CADPS: variants seen among roughly 807,000 people sequenced by gnomAD.
CADPS encodes calcium dependent secretion activator.
CADPS carries 57 observed loss-of-function variants against 167.3 expected under a neutral mutation model. That is an observed-to-expected ratio of 0.34 (90% CI 0.28 to 0.42). The LOEUF is 0.42. Among genes scored for constraint, CADPS ranks in the 20% least tolerant of loss-of-function variants. The pLI is 1.00. For synonymous variants in CADPS, 676 were observed against 635.3 expected (o/e 1.06, Z -0.96); for missense variants, 1,414 against 1,738.1 (o/e 0.81, Z 3.32).
At position 62,753,801 on chromosome 3, in the gene CADPS, A is replaced by G. The variant is rs1466010588; in HGVS notation, c.556-28T>C. Reference sequence around the variant, plus strand: ...GAGCAAGAACAAGGCCAGGAAAGACAGTAGGAGAGTTTACCACAGAGGTAC... The same window carrying G: ...GAGCAAGAACAAGGCCAGGAAAGACGGTAGGAGAGTTTACCACAGAGGTAC... On this transcript the variant is annotated intron_variant, in intron 2 of 29. Coordinates refer to ENST00000383710, the MANE Select transcript of CADPS (RefSeq NM_003716.4). This position sits in a 1 kb window ranked among gnomAD's most constrained non-coding sequence, Gnocchi z 4.6. The G allele has an allele frequency of 1.9e-6, 3 of 1,585,584 alleles. No homozygotes were observed. The highest frequency in any genetic ancestry group is 1.7e-6 in the Non-Finnish European group (2 of 1,163,526).
chr3:62,487,054 G>C (rs191098800), intron 21 of CADPS, among the ~76,000 whole-genome samples: 1 of 152,290 alleles, frequency 6.6e-6, no homozygotes, highest in East Asian at 1.9e-4. Flanking sequence ...CCTTGTTTTA[G>C]CTAGTTCCCA....
chr3:62,508,942 T>C (rs2067192414), intron 17 of CADPS, among the ~76,000 whole-genome samples: 1 of 152,066 alleles, frequency 6.6e-6, no homozygotes. Context: ...TGGTAAAGTA[T>C]AGATGAGGTG....
chr3:62,845,691 T>G (rs1396729450), intron 1 of CADPS, among the ~76,000 whole-genome samples: 1 of 152,204 alleles, frequency 6.6e-6, no homozygotes, highest in African/African-American at 2.4e-5. Context: ...TATCTTTCTG[T>G]TCCCCTCCCA....
In CADPS at chr3:62,490,983, C is replaced by T. The variant is rs1576740349; in HGVS notation, c.3026+356G>A. On this transcript the variant is annotated intron_variant, in intron 21 of 29. Transcript: ENST00000383710. ...GCTGACCTCCCTGCCTAGAACCCCA[C>T]CGAACACACTTTGGGAAACACTGAA... Among the ~76,000 whole-genome samples the T allele has an allele frequency of 1.3e-5, 2 of 152,312 alleles. 1 individual carries two copies. Among genetic ancestry groups the T allele is most frequent in the East Asian group, 3.9e-4 (2 of 5,186 alleles).
At chr3:62,803,060 A>G (rs1343716557) in intron 1 of CADPS, among the ~76,000 whole-genome samples, 11 of 152,172 alleles carry the variant, frequency 7.2e-5, no homozygotes, top group Non-Finnish European at 8.8e-5. Context: ...GGCCTCTTCT[A>G]TGCTTTGCCT....
At chr3:62,640,583 C>T (rs1250112195) in intron 6 of CADPS, among the ~76,000 whole-genome samples, 1 of 152,074 alleles carries the variant, frequency 6.6e-6, no homozygotes, top group Non-Finnish European at 1.5e-5. Flanking sequence ...TTTCTCATTC[C>T]CTTGGAAAAT....
At chr3:62,689,192 GA>G (rs1028743965) in intron 3 of CADPS, among the ~76,000 whole-genome samples, 1 of 151,470 alleles carries the variant, frequency 6.6e-6, no homozygotes, top group African/African-American at 2.4e-5. Context: ...TCTCTAGGCA[GA>G]ACAGCACAAT....
At chr3:62,806,935 TAGTCTTGGGACAGTGAAGGCTAC>T (rs1242845101) in intron 1 of CADPS, among the ~76,000 whole-genome samples, 5 of 152,178 alleles carry the variant, frequency 3.3e-5, no homozygotes, top group Admixed American at 3.3e-4. Flanking sequence ...CTAACATTTA[TAGTCTTGGGACAGTGAAGGCTAC>T]AGTCCAAAAG....
At chr3:62,689,870 G>A (rs935511618) in intron 3 of CADPS, among the ~76,000 whole-genome samples, 2 of 151,984 alleles carry the variant, frequency 1.3e-5, no homozygotes, top group African/African-American at 2.4e-5. Flanking sequence ...GAGAGATGAG[G>A]GGGGGCGGCG....
intron 1 of CADPS, among the ~76,000 whole-genome samples, chr3:62,869,849 C>A (rs552708329): frequency 6.6e-6 from 1 of 152,214 alleles, no homozygotes; most frequent in Admixed American, 6.5e-5. Flanking sequence ...ACACCTGTCC[C>A]CAAATCACAG....
Position 62,519,901 on chromosome 3 carries a change from T to C in CADPS, c.2292-1651A>G, listed in dbSNP as rs117711635. 8.5e-4 allele frequency among the ~76,000 whole-genome samples: 129 copies of C among 152,336 alleles called. No homozygotes were observed. In the East Asian group the frequency reaches 0.023, roughly 27 times the overall value. ...TTTTGTTTGTAACTTTTCGTGTATA[T>C]GCTACAACCTACAACTTCCTTAAGC... On this transcript the variant is annotated intron_variant, in intron 13 of 29. Transcript: ENST00000383710.
intron 1 of CADPS, among the ~76,000 whole-genome samples, chr3:62,854,733 G>C (rs778881438): frequency 4.6e-5 from 7 of 152,120 alleles, no homozygotes; most frequent in Non-Finnish European, 8.8e-5. Flanking sequence ...TCTACATTGA[G>C]CCTGAAAAAT....
intron 3 of CADPS, among the ~76,000 whole-genome samples, chr3:62,734,854 A>C (rs1289753553): frequency 6.6e-6 from 1 of 152,176 alleles, no homozygotes; most frequent in Non-Finnish European, 1.5e-5. Flanking sequence ...TCCCCATAGC[A>C]ATGTAGAAAA....
chr3:62,817,529 C>T (rs577925039), intron 1 of CADPS, among the ~76,000 whole-genome samples: 1 of 152,104 alleles, frequency 6.6e-6, no homozygotes, highest in Non-Finnish European at 1.5e-5. Flanking sequence ...TTCTTTAATT[C>T]TCTGATTTTT....
intron 17 of CADPS, among the ~76,000 whole-genome samples, chr3:62,501,796 G>C (rs1394497599): frequency 6.6e-6 from 1 of 152,046 alleles, no homozygotes; most frequent in Non-Finnish European, 1.5e-5. Flanking sequence ...TTGAAGCTAG[G>C]ACCACCTGAA....
At chr3:62,691,749 G>C (rs1350071318) in intron 3 of CADPS, among the ~76,000 whole-genome samples, 2 of 152,002 alleles carry the variant, frequency 1.3e-5, no homozygotes, top group Non-Finnish European at 2.9e-5. Context: ...TGGACACATA[G>C]CAGGGCAACA....
At chr3:62,450,678 C>T (rs1016444836) in intron 26 of CADPS, among the ~76,000 whole-genome samples, 3 of 152,174 alleles carry the variant, frequency 2.0e-5, no homozygotes, top group Non-Finnish European at 4.4e-5. Flanking sequence ...GAGAGGCTGA[C>T]GGAGGCTAAG....
At chr3:62,644,578 T>C (rs1046026777) in intron 6 of CADPS, among the ~76,000 whole-genome samples, 14 of 152,188 alleles carry the variant, frequency 9.2e-5, no homozygotes, top group East Asian at 1.9e-4. Context: ...AACTTCCTCA[T>C]GGTATGGCCC....
rs565638673 is a variant in CADPS at position 62,458,111 on chromosome 3, G to T, written c.3636+7256C>A. 2.0e-5 allele frequency among the ~76,000 whole-genome samples: 3 copies of T among 152,110 alleles called. No individual in the cohort carries two copies. Among genetic ancestry groups the T allele is most frequent in the Non-Finnish European group, 2.9e-5 (2 of 68,022 alleles). Reference sequence around the variant, plus strand: ...AAAAAATTTTTAAAAAAGCACCAGGGTCATGTAAACTTTCTTACAGTTTTG... The same window carrying T: ...AAAAAATTTTTAAAAAAGCACCAGGTTCATGTAAACTTTCTTACAGTTTTG... On this transcript the variant is annotated intron_variant, in intron 26 of 29. Coordinates refer to ENST00000383710, the MANE Select transcript of CADPS (RefSeq NM_003716.4). This position sits in a 1 kb window ranked among gnomAD's most constrained non-coding sequence, Gnocchi z 4.6.
Sources: gnomAD v4.1 joint callset for allele counts (sites outside exome capture counted in the v4.1 genomes callset) on GRCh38, gnomAD v4.1.1 for gene constraint, Gnocchi (gnomAD v3.1) non-coding constraint, MANE v1.5 for transcripts, NCBI Gene and HGNC (gene_info 2026-07-23, HGNC 2026-07-21) for gene names.